The following GOLM1 variants were observed in gnomAD, a reference collection of about 807,000 sequenced individuals.
The protein encoded by GOLM1 is epididymis luminal protein 46.
In GOLM1, 31 loss-of-function variants were observed where a neutral mutation model predicts 50.5. That is an observed-to-expected ratio of 0.61 (90% CI 0.46 to 0.83). The LOEUF (loss-of-function observed/expected upper bound fraction) is 0.83, where lower values mean the gene tolerates loss of function less well. Among genes scored for constraint, GOLM1 ranks in the 40% least tolerant of loss-of-function variants. The pLI, the probability that GOLM1 is intolerant of heterozygous loss-of-function variation, is 0.00. For missense variants in GOLM1, 491 were observed against 501.3 expected, an observed-to-expected ratio of 0.98 and a Z score of 0.20; for synonymous variants, 178 against 192.8, an observed-to-expected ratio of 0.92 and a Z score of 0.64.
intron 7 of GOLM1, 36 bp from the exon 8 acceptor site, chr9:86,035,661 G>T: frequency 3.3e-5 from 33 of 997,594 alleles, no homozygotes; most frequent in Non-Finnish European, 4.5e-5. Flanking sequence ...GACCTTGCCA[G>T]CATTTGATTT....
intron 3 of GOLM1, among the ~76,000 whole-genome samples, chr9:86,057,648 G>A (rs1055405751): frequency 3.3e-5 from 5 of 149,996 alleles, no homozygotes; most frequent in East Asian, 4.0e-4. Context: ...CTGCACACCC[G>A]TGTTCAGGGC....
intron 1 of GOLM1, among the ~76,000 whole-genome samples, chr9:86,095,311 C>G (rs1835324463): frequency 6.6e-6 from 1 of 152,066 alleles, no homozygotes; most frequent in East Asian, 1.9e-4. Flanking sequence ...TGTCTGTAAC[C>G]TCTGCCTCCT....
chr9:86,029,143 A>C (rs112296420), intron 9 of GOLM1, among the ~76,000 whole-genome samples: 17,226 of 146,762 alleles, frequency 0.12, 3,150 homozygotes, highest in African/African-American at 0.39. Context: ...AAGCGTGAGC[A>C]ACCACGCCCA....
At chr9:86,087,352 C>T (rs1323757142) in intron 1 of GOLM1, among the ~76,000 whole-genome samples, 7 of 152,308 alleles carry the variant, frequency 4.6e-5, no homozygotes, top group South Asian at 2.1e-4. Flanking sequence ...TAGGCTGAGA[C>T]GATGGGGTTT....
intron 3 of GOLM1, among the ~76,000 whole-genome samples, chr9:86,062,860 T>G (rs534471065): frequency 9.9e-5 from 15 of 152,232 alleles, no homozygotes; most frequent in African/African-American, 3.4e-4. Context: ...TGAAGGACAG[T>G]GGGAACCCCA....
rs1835463482 is a variant in GOLM1 at position 86,099,481 on chromosome 9, C to G, written c.-92G>C. 1 of 150,168 alleles carries G rather than the reference C, an allele frequency of 6.7e-6. No individual in the cohort carries two copies. Among genetic ancestry groups the G allele is most frequent in the Admixed American group, 6.6e-5 (1 of 15,090 alleles). The allele number at this position is 150,168 out of a possible 1,614,324, so 9.3% of individuals were successfully genotyped here. A position where few individuals can be genotyped will look rare whatever the true frequency, so the allele number is the denominator to read the frequency against. ...TACGAGGCCGCCCGGGTCGCTCTCC[C>G]GCCGCCGCCGGCCTCGAGCTCCGGC... On this transcript the variant is annotated 5_prime_UTR_variant, in exon 1 of 10. Coordinates refer to ENST00000388712, the MANE Select transcript of GOLM1 (RefSeq NM_016548.4).
At chr9:86,099,226 G>A (rs1050074446) in intron 1 of GOLM1, among the ~76,000 whole-genome samples, 185 bp downstream of exon 1, 14 of 152,192 alleles carry the variant, frequency 9.2e-5, no homozygotes, top group African/African-American at 2.9e-4. Flanking sequence ...GGGCTACTCG[G>A]TGCAGGAAGG....
intron 1 of GOLM1, chr9:86,080,008 G>T (rs894395200): frequency 2.0e-5 from 3 of 152,168 alleles, no homozygotes; most frequent in Non-Finnish European, 4.4e-5. Context: ...CCTCCTTCAT[G>T]ACACACAACG....
chr9:86,031,788 A>C (rs4877959), intron 9 of GOLM1, among the ~76,000 whole-genome samples: 5 of 151,672 alleles, frequency 3.3e-5, no homozygotes, highest in African/African-American at 1.2e-4. Context: ...GAACATTCCA[A>C]TTAACAAATA....
At chr9:86,079,495 G>A (rs1239577436) in intron 1 of GOLM1, among the ~76,000 whole-genome samples, 154 bp from the exon 2 acceptor site, 1 of 152,202 alleles carries the variant, frequency 6.6e-6, no homozygotes, top group Non-Finnish European at 1.5e-5. Flanking sequence ...AGGGAGAAGA[G>A]TATGTGAACG....
chr9:86,054,520 G>A (rs868679163), intron 3 of GOLM1, among the ~76,000 whole-genome samples: 74 of 152,188 alleles, frequency 4.9e-4, no homozygotes, highest in African/African-American at 1.4e-3. Flanking sequence ...CACTGCGCCC[G>A]GCCTCATGTA....
chr9:86,043,973 C>CT (rs989714175), intron 5 of GOLM1, among the ~76,000 whole-genome samples: 1 of 152,188 alleles, frequency 6.6e-6, no homozygotes, highest in African/African-American at 2.4e-5. Flanking sequence ...AATAATAAGA[C>CT]TGAGGTACTT....
chr9:86,042,048 C>T (rs1833371597), intron 5 of GOLM1, among the ~76,000 whole-genome samples: 2 of 152,070 alleles, frequency 1.3e-5, no homozygotes, highest in South Asian at 2.1e-4. Flanking sequence ...ACCCGGGAGG[C>T]GGAGCTTGCA....
chr9:86,045,846 G>C lies in GOLM1; in HGVS notation c.467+624C>G, dbSNP rs192522957. Reference sequence around the variant, plus strand: ...GGAAAAGGACAGTCATGAGGGCTGGGCCATGGGTGGTTGGTTCTCTCTGAA... The same window carrying C: ...GGAAAAGGACAGTCATGAGGGCTGGCCCATGGGTGGTTGGTTCTCTCTGAA... On this transcript the variant is annotated intron_variant, in intron 5 of 9. Coordinates refer to ENST00000388712, the MANE Select transcript of GOLM1 (RefSeq NM_016548.4). Among the ~76,000 whole-genome samples, 185 of 152,236 alleles carry C rather than the reference G, an allele frequency of 1.2e-3. 1 individual carries two copies. The highest frequency in any genetic ancestry group is 1.0e-4 in the Non-Finnish European group (7 of 68,014).
upstream of GOLM1, among the ~76,000 whole-genome samples, chr9:86,099,771 C>T (rs1186821952): frequency 3.3e-5 from 5 of 152,052 alleles, no homozygotes; most frequent in African/African-American, 9.6e-5. Flanking sequence ...TTGCCCCTTC[C>T]CCCGGGCCAC....
chr9:86,043,849 T>C (rs1177539332), intron 5 of GOLM1, among the ~76,000 whole-genome samples: 3 of 152,218 alleles, frequency 2.0e-5, no homozygotes, highest in Non-Finnish European at 4.4e-5. Flanking sequence ...CCTGACTGAT[T>C]GCCAGCTAGG....
intron 1 of GOLM1, among the ~76,000 whole-genome samples, chr9:86,096,794 G>A (rs895231476): frequency 9.2e-5 from 14 of 152,084 alleles, no homozygotes; most frequent in African/African-American, 2.2e-4. Context: ...AACCATAACA[G>A]CAAATACATG....
At chr9:86,061,882 G>C (rs1834168598) in intron 3 of GOLM1, among the ~76,000 whole-genome samples, 1 of 152,216 alleles carries the variant, frequency 6.6e-6, no homozygotes, top group Admixed American at 6.5e-5. Flanking sequence ...ATCCTGGTCA[G>C]AGAGCAGCTG....
chr9:86,088,176 A>G (rs995677359), intron 1 of GOLM1, among the ~76,000 whole-genome samples: 3 of 151,650 alleles, frequency 2.0e-5, no homozygotes, highest in African/African-American at 2.4e-5. Flanking sequence ...GGGAGGGTTT[A>G]TGTGTCCAGG....
Sources: allele counts gnomAD v4.1 joint callset (sites outside exome capture counted in the v4.1 genomes callset), GRCh38; gene constraint gnomAD v4.1.1; transcripts MANE v1.5; gene names NCBI Gene and HGNC (gene_info 2026-07-23, HGNC 2026-07-21).